The following DPF3 variants were observed in gnomAD, a reference collection of about 807,000 sequenced individuals.
DPF3 encodes the protein zinc finger protein DPF3.
A neutral mutation model predicts 56.8 loss-of-function variants in DPF3; 18 were observed. That is an observed-to-expected ratio of 0.32 (90% CI 0.22 to 0.47). DPF3 has a LOEUF of 0.47. DPF3 is among the 20% of genes least tolerant of loss of function. DPF3 has a pLI of 1.00. For synonymous variants in DPF3, 188 were observed against 180.2 expected (o/e 1.04, Z -0.35); for missense variants, 403 against 488.8 (o/e 0.82, Z 1.65).
At chr14:72,826,520 AG>A (rs1178101216) in intron 1 of DPF3, among the ~76,000 whole-genome samples, 2 of 152,200 alleles carry the variant, frequency 1.3e-5, no homozygotes, top group Non-Finnish European at 2.9e-5. Context: ...TCTGGCTAAA[AG>A]GAGGAAGAAG....
At chr14:72,661,805 T>C in intron 8 of DPF3, 1 of 984,780 alleles carries the variant, frequency 1.0e-6, no homozygotes, top group Non-Finnish European at 1.2e-6. Flanking sequence ...CTTCTAGGAG[T>C]TGTTAGGTGA....
intron 7 of DPF3, among the ~76,000 whole-genome samples, chr14:72,680,890 C>G (rs1294795134): frequency 6.6e-6 from 1 of 152,218 alleles, no homozygotes; most frequent in African/African-American, 2.4e-5. Flanking sequence ...CCTGAGGTCC[C>G]TTTCAGGCCT....
intron 1 of DPF3, among the ~76,000 whole-genome samples, chr14:72,870,572 C>A (rs750893330): frequency 2.8e-4 from 42 of 152,314 alleles, no homozygotes; most frequent in Middle Eastern, 6.8e-3. Flanking sequence ...TTCTTGAAGA[C>A]TCTTTAACAC....
chr14:72,804,095 A>C (rs1892992579), intron 1 of DPF3, among the ~76,000 whole-genome samples: 1 of 152,064 alleles, frequency 6.6e-6, no homozygotes, highest in Admixed American at 6.6e-5. Context: ...TGAGGACCAA[A>C]TGACTGGGGA....
intron 8 of DPF3, among the ~76,000 whole-genome samples, chr14:72,647,391 G>A (rs919293135): frequency 6.6e-6 from 1 of 152,182 alleles, no homozygotes; most frequent in Admixed American, 6.5e-5. Flanking sequence ...CCAGGCACAA[G>A]CTGTCTTCCC....
chr14:72,873,189 T>C (rs1196495925), intron 1 of DPF3, among the ~76,000 whole-genome samples: 1 of 152,110 alleles, frequency 6.6e-6, no homozygotes, highest in Non-Finnish European at 1.5e-5. Context: ...AAAGGGCTAA[T>C]ATCCAGAATC....
intron 6 of DPF3, among the ~76,000 whole-genome samples, chr14:72,702,071 A>G: frequency 6.6e-6 from 1 of 152,108 alleles, no homozygotes; most frequent in East Asian, 1.9e-4. Flanking sequence ...AGTTTAAGCA[A>G]TTCTCTGGAT....
intron 1 of DPF3, chr14:72,774,054 G>T: frequency 2.3e-6 from 1 of 444,380 alleles, no homozygotes; most frequent in South Asian, 1.6e-5. Context: ...GGAGGCTGAG[G>T]TGGGTGGATC....
chr14:72,887,196 C>T (rs1886584289), intron 1 of DPF3, among the ~76,000 whole-genome samples: 1 of 133,684 alleles, frequency 7.5e-6, no homozygotes, highest in African/African-American at 2.8e-5. Context: ...CACACACACA[C>T]AAAAGGAAGC....
At chr14:72,748,690 C>T (rs1437020577) in intron 3 of DPF3, among the ~76,000 whole-genome samples, 1 of 152,160 alleles carries the variant, frequency 6.6e-6, no homozygotes, top group East Asian at 1.9e-4. Context: ...TTATGTGCAG[C>T]CTAGGGACTT....
At chr14:72,676,591 A>G (rs535681524) in intron 7 of DPF3, among the ~76,000 whole-genome samples, 1 of 152,358 alleles carries the variant, frequency 6.6e-6, no homozygotes, top group East Asian at 1.9e-4. Context: ...TGAGTAGGAT[A>G]TAATTGAATC....
At chr14:72,795,167 TCTG>T (rs1432833490) in intron 1 of DPF3, among the ~76,000 whole-genome samples, 1 of 151,806 alleles carries the variant, frequency 6.6e-6, no homozygotes, top group Non-Finnish European at 1.5e-5. Flanking sequence ...AAAGGCGTGT[TCTG>T]CTGCTGCTGC....
At chr14:72,880,043 G>GTC in intron 1 of DPF3, 1 of 1,317,736 alleles carries the variant, frequency 7.6e-7, no homozygotes, top group Non-Finnish European at 9.9e-7. Flanking sequence ...CTCCCTGTCT[G>GTC]TCTCCTGCAT....
chr14:72,641,050 C>A (rs1318075430), intron 8 of DPF3, among the ~76,000 whole-genome samples: 3 of 152,016 alleles, frequency 2.0e-5, no homozygotes, highest in Non-Finnish European at 4.4e-5. Flanking sequence ...GAGAGAGGCA[C>A]CTCATGACAT....
chr14:72,892,657 A>T, intron 1 of DPF3: 3 of 1,072,276 alleles, frequency 2.8e-6, no homozygotes, highest in Non-Finnish European at 3.4e-6. Context: ...AATGCGCTGA[A>T]TTAAAAGAAC....
chr14:72,650,725 G>A (rs1445098426), intron 8 of DPF3, among the ~76,000 whole-genome samples: 1 of 152,166 alleles, frequency 6.6e-6, no homozygotes, highest in Non-Finnish European at 1.5e-5. Flanking sequence ...AAGGTAAAAG[G>A]TGGATGGAGC....
chr14:72,772,180 A>G (rs1304928780), intron 1 of DPF3, among the ~76,000 whole-genome samples: 3 of 152,236 alleles, frequency 2.0e-5, no homozygotes, highest in Non-Finnish European at 4.4e-5. Flanking sequence ...AGAGCTGTCC[A>G]TGTTCTAGGA....
At chr14:72,801,475 G>T (rs1364954350) in intron 1 of DPF3, among the ~76,000 whole-genome samples, 1 of 152,214 alleles carries the variant, frequency 6.6e-6, no homozygotes, top group Admixed American at 6.5e-5. Flanking sequence ...GAGTCATACA[G>T]AACCACACTG....
intron 1 of DPF3, among the ~76,000 whole-genome samples, chr14:72,850,820 T>TGC (rs1156289917): frequency 2.7e-4 from 41 of 152,136 alleles, no homozygotes; most frequent in East Asian, 1.4e-3. Flanking sequence ...TGTGTGTGTG[T>TGC]GCGCACGCGC....
Sources: gnomAD v4.1 joint callset for allele counts (sites outside exome capture counted in the v4.1 genomes callset) on GRCh38, gnomAD v4.1.1 for gene constraint, MANE v1.5 for transcripts, NCBI Gene and HGNC (gene_info 2026-07-23, HGNC 2026-07-21) for gene names.